RGS17: variants seen among roughly 807,000 people sequenced by gnomAD.
RGS17 encodes the protein regulator of G-protein signaling 17.
A neutral mutation model predicts 25.5 loss-of-function variants in RGS17; 12 were observed. The ratio of observed to expected loss-of-function variants is 0.47; its 90% CI spans 0.30 to 0.76. The LOEUF (loss-of-function observed/expected upper bound fraction) is 0.76. Ranked by LOEUF, RGS17 falls within the 30% of genes least tolerant of loss-of-function variation. The probability of loss-of-function intolerance (pLI) is 0.07; values close to 1 mark genes in which losing one functional copy is unlikely to be tolerated. For synonymous variants in RGS17, 71 were observed against 76.9 expected, an observed-to-expected ratio of 0.92 and a Z score of 0.40; for missense variants, 196 against 242.2, an observed-to-expected ratio of 0.81 and a Z score of 1.27.
chr6:153,035,371 A>C (rs1224015912), intron 2 of RGS17, among the ~76,000 whole-genome samples: 2 of 152,160 alleles, frequency 1.3e-5, no homozygotes, highest in African/African-American at 2.4e-5. Flanking sequence ...TTTCACAAAA[A>C]GTGAATTTGA....
At chr6:153,034,243 G>A (rs1183340617) in intron 2 of RGS17, among the ~76,000 whole-genome samples, 1 of 152,088 alleles carries the variant, frequency 6.6e-6, no homozygotes, top group East Asian at 1.9e-4. Context: ...CAACAATCTT[G>A]ATCTGTAGAG....
intron 1 of RGS17, among the ~76,000 whole-genome samples, chr6:153,063,292 T>G (rs975038634): frequency 1.3e-5 from 2 of 152,122 alleles, no homozygotes; most frequent in African/African-American, 4.8e-5. Context: ...GGACAGAGAA[T>G]TCAAAATATC....
chr6:153,098,211 G>A (rs1777246044), intron 1 of RGS17, among the ~76,000 whole-genome samples: 1 of 152,122 alleles, frequency 6.6e-6, no homozygotes, highest in African/African-American at 2.4e-5. Context: ...GAAATATAGA[G>A]TCTTTCAGGT....
chr6:153,024,868 T>G (rs1779283292), intron 3 of RGS17, among the ~76,000 whole-genome samples: 1 of 151,486 alleles, frequency 6.6e-6, no homozygotes, highest in Admixed American at 6.6e-5. Context: ...ACAACATGAA[T>G]TTTTTCTTTG....
intron 1 of RGS17, among the ~76,000 whole-genome samples, chr6:153,054,168 C>A (rs1441655556): frequency 7.6e-6 from 1 of 131,080 alleles, no homozygotes; most frequent in African/African-American, 2.9e-5. Context: ...TTATTTATAT[C>A]CTGAAAATTT....
chr6:153,119,135 T>G (rs1428997692), intron 1 of RGS17, among the ~76,000 whole-genome samples: 1 of 152,220 alleles, frequency 6.6e-6, no homozygotes, highest in African/African-American at 2.4e-5. Context: ...TTTGACACTT[T>G]TCTACTATTG....
At chr6:153,049,231 T>C (rs1465924218) in intron 1 of RGS17, among the ~76,000 whole-genome samples, 5 of 152,168 alleles carry the variant, frequency 3.3e-5, no homozygotes, top group Non-Finnish European at 7.4e-5. Flanking sequence ...AAATATCATA[T>C]ACTTCTAATA....
intron 1 of RGS17, among the ~76,000 whole-genome samples, chr6:153,084,933 G>A (rs182489442): frequency 3.3e-5 from 5 of 152,242 alleles, no homozygotes; most frequent in East Asian, 1.9e-4. Context: ...TTTTGAGTAC[G>A]TTTGTATGCT....
intron 1 of RGS17, among the ~76,000 whole-genome samples, chr6:153,088,416 G>T (rs143245073): frequency 4.3e-4 from 66 of 152,228 alleles, no homozygotes; most frequent in African/African-American, 1.6e-3. Context: ...TCTGATTAAA[G>T]ATTTCATATG....
At chr6:153,012,833 C>T (rs1779147941) in intron 4 of RGS17, among the ~76,000 whole-genome samples, 1 of 152,178 alleles carries the variant, frequency 6.6e-6, no homozygotes, top group Non-Finnish European at 1.5e-5. Flanking sequence ...GGCTTCTTTT[C>T]CCACCACTGT....
chr6:153,085,406 C>A (rs1321359499), intron 1 of RGS17, among the ~76,000 whole-genome samples: 5 of 152,130 alleles, frequency 3.3e-5, no homozygotes, highest in African/African-American at 7.2e-5. Flanking sequence ...GCAGCTGGGT[C>A]AAAACCAGAC....
intron 1 of RGS17, among the ~76,000 whole-genome samples, chr6:153,046,457 C>T (rs1400508505): frequency 6.6e-6 from 1 of 151,608 alleles, no homozygotes; most frequent in African/African-American, 2.4e-5. Context: ...TGTACTGGAA[C>T]AACATTATGT....
intron 2 of RGS17, among the ~76,000 whole-genome samples, chr6:153,027,071 T>C (rs1488790187): frequency 6.6e-6 from 1 of 152,174 alleles, no homozygotes; most frequent in African/African-American, 2.4e-5. Flanking sequence ...AAAATCAAGC[T>C]ACCGGATTTA....
At chr6:153,037,827 T>C (rs560344865) in intron 2 of RGS17, among the ~76,000 whole-genome samples, 27 of 152,296 alleles carry the variant, frequency 1.8e-4, no homozygotes, top group Admixed American at 1.3e-3. Context: ...ACAAGATCTA[T>C]GTAATATAAT....
rs191521177 is a variant in RGS17, at chr6:153,048,077, T to C, written c.-25-4034A>G. Among the ~76,000 whole-genome samples the C allele has an allele frequency of 2.3e-3, 355 of 152,348 alleles. 1 individual carries two copies. Among genetic ancestry groups the C allele is most frequent in the African/African-American group, 8.0e-3 (333 of 41,584 alleles). On this transcript the variant is annotated intron_variant, in intron 1 of 4. Transcript: ENST00000206262. ...TCTGCACAAAATCCTCAAATTTACA[T>C]GCCCAGTGAAGATAATTTTCCTGAA... is the stretch of plus-strand genomic sequence containing the variant.
intron 2 of RGS17, among the ~76,000 whole-genome samples, chr6:153,028,311 C>T (rs3799125): frequency 0.15 from 23,184 of 152,154 alleles, 2,188 homozygotes; most frequent in Non-Finnish European, 0.21. Flanking sequence ...CTTGGACCTG[C>T]TGCACATTGA....
intron 1 of RGS17, among the ~76,000 whole-genome samples, chr6:153,123,778 C>T (rs1777670102): frequency 1.3e-5 from 2 of 152,156 alleles, no homozygotes; most frequent in Admixed American, 6.5e-5. Flanking sequence ...GGATCTCACT[C>T]TCCTTCCCTT....
At chr6:153,054,046 T>TACACACA (rs1287943223) in intron 1 of RGS17, among the ~76,000 whole-genome samples, 6 of 75,822 alleles carry the variant, frequency 7.9e-5, no homozygotes, top group Admixed American at 1.7e-4. Flanking sequence ...TATATATGTA[T>TACACACA]ATATGTATAT....
At position 153,021,125 on chromosome 6, in the gene RGS17, T is replaced by C. The variant is rs137921361; in HGVS notation, c.444+3137A>G. On this transcript the variant is annotated intron_variant, in intron 4 of 4. Transcript: ENST00000206262. ...GTTTCTGTGCTTATTTTTATTGTTA[T>C]TTTTGTAAACAAATGAACTGAATGT... Among the ~76,000 whole-genome samples the C allele has an allele frequency of 3.6e-3, 553 of 152,344 alleles. 8 individuals carry two copies. Among genetic ancestry groups the C allele is most frequent in the African/African-American group, 0.013 (532 of 41,570 alleles).
Sources: allele counts gnomAD v4.1 joint callset (sites outside exome capture counted in the v4.1 genomes callset), GRCh38; gene constraint gnomAD v4.1.1; transcripts MANE v1.5; gene names NCBI Gene and HGNC (gene_info 2026-07-23, HGNC 2026-07-21).